Variants in TRAPPC11 observed in about 807,000 individuals in gnomAD.
The protein encoded by TRAPPC11 is foie gras homolog.
A neutral mutation model predicts 151.2 loss-of-function variants in TRAPPC11; 104 were observed. That is an observed-to-expected ratio of 0.69 (90% CI 0.59 to 0.81). The LOEUF is 0.81. Among genes scored for constraint, TRAPPC11 ranks in the 30% least tolerant of loss-of-function variants. The pLI is 0.00. For missense variants in TRAPPC11, 1,230 were observed against 1,349.6 expected, an observed-to-expected ratio of 0.91 and a Z score of 1.39; for synonymous variants, 456 against 472.3, an observed-to-expected ratio of 0.97 and a Z score of 0.45.
At chr4:183,662,238 C>G (rs1734588747) in intron 1 of TRAPPC11, among the ~76,000 whole-genome samples, 1 of 151,570 alleles carries the variant, frequency 6.6e-6, no homozygotes, top group Non-Finnish European at 1.5e-5. Context: ...TGCCTGTAGT[C>G]CCAGCTACTA....
At chr4:183,684,572 G>T in intron 14 of TRAPPC11, 124 bp from the exon 15 acceptor site, 1 of 1,142,816 alleles carries the variant, frequency 8.8e-7, no homozygotes, top group Non-Finnish European at 1.2e-6. Context: ...GAGAATACCT[G>T]TTCAACCATC....
chr4:183,688,552 G>A (rs1184581283), intron 18 of TRAPPC11, among the ~76,000 whole-genome samples: 1 of 152,086 alleles, frequency 6.6e-6, no homozygotes, highest in Admixed American at 6.6e-5. Context: ...TTTATTGGAT[G>A]GTGATAAAGA....
chr4:183,705,359 T>C (rs1737004120), intron 27 of TRAPPC11, among the ~76,000 whole-genome samples: 3 of 152,246 alleles, frequency 2.0e-5, no homozygotes, highest in African/African-American at 7.2e-5. Context: ...CTTTAAAAAT[T>C]AGCAGTAATG....
intron 6 of TRAPPC11, 119 bp from the exon 7 acceptor site, chr4:183,675,045 T>A: frequency 1.7e-6 from 1 of 589,542 alleles, no homozygotes. Context: ...TGGGAATAAT[T>A]CTTGTATTTC....
At chr4:183,684,675 T>A (rs754392943) in intron 14 of TRAPPC11, 21 bp from the exon 15 acceptor site, 12 of 1,612,906 alleles carry the variant, frequency 7.4e-6, no homozygotes, top group Non-Finnish European at 8.5e-6. Context: ...CGGTTCAGTA[T>A]TACATTTTGT....
chr4:183,695,378 T>C (rs1174040278), intron 23 of TRAPPC11, among the ~76,000 whole-genome samples: 6 of 152,126 alleles, frequency 3.9e-5, no homozygotes, highest in Non-Finnish European at 7.3e-5. Context: ...TGAAAGGCAT[T>C]TTTCTGTTAT....
chr4:183,681,164 T>C (rs183964781), intron 10 of TRAPPC11, among the ~76,000 whole-genome samples: 133 of 151,734 alleles, frequency 8.8e-4, no homozygotes, highest in African/African-American at 3.0e-3. Flanking sequence ...ATATTTATAT[T>C]GTTACAGTAG....
rs146441514 is a variant in TRAPPC11, at chr4:183,693,079, C to G, written c.2169C>G (p.Phe723Leu). The G allele has an allele frequency of 2.7e-4, 431 of 1,613,038 alleles. 1 individual carries two copies. The highest frequency in any genetic ancestry group is 1.2e-4 in the Non-Finnish European group (137 of 1,179,480). ...SQEALQAARS[F>L]KRRPKLPDNE... ...AAGCCTTACAGGCAGCTCGGTCTTT[C>G]AAAAGGCGACCTAAGCTACCTGACA... The change falls in exon 20 of 30, where the codon TTC becomes TTG. Residue 723 changes from phenylalanine to leucine, a missense_variant. By Grantham distance (22) the Phe-to-Leu change is conservative. Coordinates refer to ENST00000334690, the MANE Select transcript of TRAPPC11 (RefSeq NM_021942.6).
At chr4:183,666,608 C>T (rs555391205) in intron 3 of TRAPPC11, among the ~76,000 whole-genome samples, 182 bp downstream of exon 3, 3 of 152,114 alleles carry the variant, frequency 2.0e-5, no homozygotes, top group Non-Finnish European at 2.9e-5. Context: ...ATGCTGGGTA[C>T]GTGAAGAAAT....
chr4:183,661,411 G>T (rs1047057062), intron 1 of TRAPPC11, among the ~76,000 whole-genome samples: 60 of 117,030 alleles, frequency 5.1e-4, no homozygotes, highest in Non-Finnish European at 7.1e-4. Context: ...TCGCTCTGTC[G>T]CCCAGGCTGG....
At chr4:183,695,507 CTCTTT>C (rs1736494315) in intron 23 of TRAPPC11, among the ~76,000 whole-genome samples, 1 of 152,136 alleles carries the variant, frequency 6.6e-6, no homozygotes, top group South Asian at 2.1e-4. Context: ...TCTTATTGGT[CTCTTT>C]TCTATTTCTA....
chr4:183,682,689 G>A (rs754757517), intron 10 of TRAPPC11, 43 bp from the exon 11 acceptor site: 9 of 1,370,356 alleles, frequency 6.6e-6, no homozygotes, highest in Non-Finnish European at 9.0e-6. Context: ...GATTTGCGAT[G>A]AGTTCCATAA....
chr4:183,704,595 C>T (rs1456433727), intron 26 of TRAPPC11, among the ~76,000 whole-genome samples: 1 of 151,212 alleles, frequency 6.6e-6, no homozygotes, highest in Non-Finnish European at 1.5e-5. Context: ...GGGCGGATCA[C>T]GAGGTCAGGA....
At position 183,685,077 on chromosome 4, in the gene TRAPPC11, A is replaced by G. The variant is rs149392707; in HGVS notation, c.1568-7A>G. 3 of 1,612,284 alleles carry G rather than the reference A, an allele frequency of 1.9e-6. No individual in the cohort carries two copies. The highest frequency in any genetic ancestry group is 1.3e-5 in the African/African-American group (1 of 74,896). On this transcript the variant is annotated splice_region_variant and splice_polypyrimidine_tract_variant and intron_variant, in intron 15 of 29. Transcript: ENST00000334690. ...TTAAAATGTTTTTCCTTCTTTCTTC[A>G]TACTAGCTTCAACTCTGAAAGATGA...
intron 10 of TRAPPC11, among the ~76,000 whole-genome samples, chr4:183,681,261 C>T (rs527269519): frequency 1.3e-5 from 2 of 151,702 alleles, no homozygotes; most frequent in East Asian, 1.9e-4. Flanking sequence ...GTTCCAAAAA[C>T]GAATAGATTG....
At chr4:183,697,604 G>T in intron 24 of TRAPPC11, 36 bp downstream of exon 24, 2 of 1,604,392 alleles carry the variant, frequency 1.2e-6, no homozygotes, top group Non-Finnish European at 1.7e-6. Flanking sequence ...AATCATTTAG[G>T]TTATAAAAAT....
intron 23 of TRAPPC11, among the ~76,000 whole-genome samples, chr4:183,696,481 C>T (rs1038301993): frequency 3.9e-5 from 6 of 152,030 alleles, no homozygotes; most frequent in Admixed American, 3.3e-4. Flanking sequence ...CTGCAGCCTC[C>T]GACTCCTGGG....
At chr4:183,712,453 C>A in intron 29 of TRAPPC11, 147 bp from the exon 30 acceptor site, 1 of 806,408 alleles carries the variant, frequency 1.2e-6, no homozygotes, top group Non-Finnish European at 2.0e-6. Flanking sequence ...GGAGAATCAC[C>A]ATATCACCAT....
At chr4:183,683,778 A>G in intron 11 of TRAPPC11, 197 bp from the exon 12 acceptor site, 1 of 583,582 alleles carries the variant, frequency 1.7e-6, no homozygotes, top group South Asian at 2.2e-5. Context: ...GAGCTCAATA[A>G]TGTTCCCATC....
Sources: allele counts gnomAD v4.1 joint callset (sites outside exome capture counted in the v4.1 genomes callset), GRCh38; gene constraint gnomAD v4.1.1; transcripts MANE v1.5; gene names NCBI Gene and HGNC (gene_info 2026-07-23, HGNC 2026-07-21).